RTKN2: variants seen among roughly 807,000 people sequenced by gnomAD.
RTKN2 encodes rhotekin 2, also known as rhotekin-2.
A neutral mutation model predicts 71.5 loss-of-function variants in RTKN2; 69 were observed. That is an observed-to-expected ratio of 0.96 (90% CI 0.79 to 1.18). The LOEUF is 1.18. Ranked by LOEUF, RTKN2 falls within the 50% of genes most tolerant of loss-of-function variation. RTKN2 has a pLI of 0.00. For synonymous variants in RTKN2, 236 were observed against 236.5 expected (o/e 1.00, Z 0.02); for missense variants, 724 against 719.7 (o/e 1.01, Z -0.07).
At chr10:62,260,501 AAC>A (rs1842753589) in intron 2 of RTKN2, among the ~76,000 whole-genome samples, 1 of 151,832 alleles carries the variant, frequency 6.6e-6, no homozygotes, top group South Asian at 2.1e-4. Flanking sequence ...AATTAAGGGA[AAC>A]ACTGTTTTTA....
chr10:62,220,242 T>C (rs1841876947), intron 7 of RTKN2, among the ~76,000 whole-genome samples: 1 of 152,240 alleles, frequency 6.6e-6, no homozygotes, highest in South Asian at 2.1e-4. Context: ...ACTATTCAAA[T>C]CTTTTTCATT....
intron 9 of RTKN2, among the ~76,000 whole-genome samples, chr10:62,212,650 C>G (rs1271179039): frequency 6.6e-6 from 1 of 152,026 alleles, no homozygotes; most frequent in Admixed American, 6.6e-5. Flanking sequence ...CTGCAGTGAG[C>G]TGTGATGGCA....
chr10:62,265,274 G>A (rs1842849177), intron 1 of RTKN2, among the ~76,000 whole-genome samples: 1 of 152,118 alleles, frequency 6.6e-6, no homozygotes, highest in African/African-American at 2.4e-5. Flanking sequence ...AAGTTACACT[G>A]GAGCACAGAC....
At chr10:62,185,199 T>TAA (rs78034993) in intron 8 of RTKN2, among the ~76,000 whole-genome samples, 3 of 142,848 alleles carry the variant, frequency 2.1e-5, no homozygotes, top group Admixed American at 7.0e-5. Flanking sequence ...CCTCCACAGT[T>TAA]AAAAAAAAAA....
chr10:62,259,156 T>C, intron 2 of RTKN2: 3 of 451,276 alleles, frequency 6.6e-6, no homozygotes, highest in South Asian at 4.7e-5. Context: ...GCAGTTCCCC[T>C]GCACATGATC....
rs772011961 is a variant in RTKN2 at position 62,198,044 on chromosome 10, GCAGGCAGAAGT to G, written c.1683_1693del (p.Lys561AsnfsTer5). 3.7e-6 allele frequency: 6 copies of G among 1,613,882 alleles called. No individual in the cohort carries two copies. In the South Asian group the frequency reaches 6.6e-5, roughly 18 times the overall value. ...ACCATCACTTAATCTATTTCTCCTG[GCAGGCAGAAGT>G]TTTCGAGGAGCAGCCATTGGTTTCT... On this transcript the variant is annotated frameshift_variant, in exon 12 of 12. Coordinates refer to ENST00000373789, the MANE Select transcript of RTKN2 (RefSeq NM_145307.4). LOFTEE classifies it high-confidence loss of function.
At chr10:62,255,389 G>C (rs1238571867) in intron 2 of RTKN2, among the ~76,000 whole-genome samples, 1 of 152,128 alleles carries the variant, frequency 6.6e-6, no homozygotes, top group Non-Finnish European at 1.5e-5. Context: ...TCTAGGCATG[G>C]GGCAGGGAAA....
intron 1 of RTKN2, among the ~76,000 whole-genome samples, chr10:62,265,187 A>T (rs935083087): frequency 1.3e-5 from 2 of 152,184 alleles, no homozygotes; most frequent in Non-Finnish European, 2.9e-5. Flanking sequence ...TATCTAACAG[A>T]TACTACTATT....
At chr10:62,260,703 C>T (rs1341764801) in intron 2 of RTKN2, among the ~76,000 whole-genome samples, 1 of 152,116 alleles carries the variant, frequency 6.6e-6, no homozygotes, top group Non-Finnish European at 1.5e-5. Flanking sequence ...TTTTATACAT[C>T]AGCAACTTCA....
In RTKN2 at chr10:62,218,219, T is replaced by G. The variant is rs766202039; in HGVS notation, c.864A>C (p.Ala288=). 10 of 1,612,844 alleles carry G rather than the reference T, an allele frequency of 6.2e-6. 1 individual carries two copies. The South Asian group carries it at 9.9e-5, about 16-fold the overall frequency. ...VAQPACMAED[A]FAGFLNQQQM... ...CCTGCTGATTAAGAAATCCTGCAAA[T>G]GCATCCTCAGCCATACAAGCTGGCT... Residue 288 remains alanine, a synonymous_variant, in exon 8 of 12, where the codon GCA becomes GCC. Coordinates refer to ENST00000373789, the MANE Select transcript of RTKN2 (RefSeq NM_145307.4).
rs1441410269 is a variant in RTKN2, at chr10:62,217,210, A to T, written c.928T>A (p.Cys310Ser). ...TAGAGTTTACCTCCTCGCAAAACAC[A>T]ATACAACCTTCTCCAACTAATCAGA... ...EGLISWRRLYCVLRGGKLYCF... is the reference protein window; with the variant it reads ...EGLISWRRLYSVLRGGKLYCF... Residue 310 changes from cysteine to serine, a missense_variant, in exon 9 of 12, where the codon TGT becomes AGT. By Grantham distance (112) the Cys-to-Ser change is moderately radical. Coordinates refer to ENST00000373789, the MANE Select transcript of RTKN2 (RefSeq NM_145307.4). 6.3e-7 allele frequency: 1 copy of T among 1,599,544 alleles called. No individual in the cohort carries two copies. Among genetic ancestry groups the T allele is most frequent in the Non-Finnish European group, 8.5e-7 (1 of 1,173,258 alleles).
chr10:62,227,138 G>A (rs537020816), intron 6 of RTKN2, among the ~76,000 whole-genome samples: 8 of 151,906 alleles, frequency 5.3e-5, no homozygotes, highest in Admixed American at 2.6e-4. Flanking sequence ...GTGTTAAAAC[G>A]ACAACAATCA....
At chr10:62,246,938 T>C (rs942789705) in intron 2 of RTKN2, among the ~76,000 whole-genome samples, 1 of 151,990 alleles carries the variant, frequency 6.6e-6, no homozygotes, top group African/African-American at 2.4e-5. Context: ...CCTATTTTCC[T>C]AATAAACTGC....
At chr10:62,224,181 G>T (rs1219609593) in intron 6 of RTKN2, among the ~76,000 whole-genome samples, 3 of 152,098 alleles carry the variant, frequency 2.0e-5, no homozygotes, top group African/African-American at 7.2e-5. Context: ...AATGGTGGCT[G>T]CCAGGAGGAT....
intron 5 of RTKN2, chr10:62,238,046 T>C (rs1345829846): frequency 6.6e-6 from 1 of 151,834 alleles, no homozygotes; most frequent in South Asian, 2.1e-4. Flanking sequence ...CAGATGTTAC[T>C]TGCAGATGGA....
At position 62,193,617 on chromosome 10, in the gene RTKN2, C is replaced by T; in HGVS notation, c.*4291G>A. ...AACTGAGCCAGGATTGCTCATTTCT[C>T]TCCCCCACTCTGAGGCGCTCTGCAG... On this transcript the variant is annotated 3_prime_UTR_variant, in exon 12 of 12. Coordinates refer to ENST00000373789, the MANE Select transcript of RTKN2 (RefSeq NM_145307.4). 1 of 985,296 alleles carries T rather than the reference C, an allele frequency of 1.0e-6. No individual in the cohort carries two copies. The highest frequency in any genetic ancestry group is 1.2e-6 in the Non-Finnish European group (1 of 829,870). 61.0% of individuals were successfully genotyped at this position (985,296 alleles called of 1,614,324 possible).
At chr10:62,211,884 T>TTGATCTCC (rs1159331383) in intron 9 of RTKN2, among the ~76,000 whole-genome samples, 1 of 152,120 alleles carries the variant, frequency 6.6e-6, no homozygotes, top group African/African-American at 2.4e-5. Flanking sequence ...CAGGATGGTC[T>TTGATCTCC]TGATCTCCTG....
intron 7 of RTKN2, among the ~76,000 whole-genome samples, chr10:62,218,750 C>T (rs1274532988): frequency 1.3e-5 from 2 of 152,154 alleles, no homozygotes; most frequent in Non-Finnish European, 2.9e-5. Context: ...CTTTGCGAGG[C>T]CGAGGCAGGC....
chr10:62,209,369 G>C (rs1018473281), intron 9 of RTKN2, among the ~76,000 whole-genome samples: 3 of 122,160 alleles, frequency 2.5e-5, no homozygotes, highest in Non-Finnish European at 3.4e-5. Flanking sequence ...AATTTCTTCA[G>C]CAAATAAATT....
Sources: allele counts gnomAD v4.1 joint callset (sites outside exome capture counted in the v4.1 genomes callset), GRCh38; gene constraint gnomAD v4.1.1; transcripts MANE v1.5; gene names NCBI Gene and HGNC (gene_info 2026-07-23, HGNC 2026-07-21).